KCNIP4: variants seen among roughly 807,000 people sequenced by gnomAD.
KCNIP4 encodes the protein potassium voltage-gated channel interacting protein 4, also known as Kv channel-interacting protein 4.
In KCNIP4, 12 loss-of-function variants were observed where a neutral mutation model predicts 34.0. The ratio of observed to expected loss-of-function variants is 0.35; its 90% CI spans 0.23 to 0.57. The LOEUF (loss-of-function observed/expected upper bound fraction) is 0.57, where lower values mean the gene tolerates loss of function less well. Ranked by LOEUF, KCNIP4 falls within the 20% of genes least tolerant of loss-of-function variation. The pLI, the probability that KCNIP4 is intolerant of heterozygous loss-of-function variation, is 0.83. For synonymous variants in KCNIP4, 124 were observed against 102.2 expected (o/e 1.21, Z -1.29); for missense variants, 238 against 311.7 (o/e 0.76, Z 1.78).
intron 1 of KCNIP4, among the ~76,000 whole-genome samples, chr4:21,554,952 T>C (rs34217898): frequency 0.097 from 14,814 of 152,216 alleles, 827 homozygotes; most frequent in Middle Eastern, 0.19. Context: ...TGGGTTTATA[T>C]ATTCTCCATC....
chr4:20,913,096 T>C (rs1015857270), intron 1 of KCNIP4, among the ~76,000 whole-genome samples: 3 of 152,138 alleles, frequency 2.0e-5, no homozygotes, highest in Admixed American at 6.5e-5. Context: ...CACAGCAGCA[T>C]TATTCACAGT....
chr4:20,903,948 G>T (rs1391155688), intron 1 of KCNIP4, among the ~76,000 whole-genome samples: 3 of 152,106 alleles, frequency 2.0e-5, no homozygotes, highest in Non-Finnish European at 4.4e-5. Flanking sequence ...ATCAATTTTA[G>T]ATCAACTGCT....
At chr4:21,519,748 C>CGTGTGTGTATGTAT (rs1735319722) in intron 1 of KCNIP4, among the ~76,000 whole-genome samples, 1 of 114,690 alleles carries the variant, frequency 8.7e-6, no homozygotes, top group Non-Finnish European at 1.7e-5. Flanking sequence ...ATGATACACA[C>CGTGTGTGTATGTAT]GTGTGTGTAT....
intron 1 of KCNIP4, among the ~76,000 whole-genome samples, chr4:21,687,867 TA>T (rs763475733): frequency 1.3e-4 from 20 of 152,144 alleles, no homozygotes; most frequent in Non-Finnish European, 2.4e-4. Context: ...ACACAGCTCT[TA>T]AGGGTGAATT....
At chr4:21,934,534 G>A (rs1327121467) in intron 1 of KCNIP4, among the ~76,000 whole-genome samples, 1 of 152,038 alleles carries the variant, frequency 6.6e-6, no homozygotes, top group Non-Finnish European at 1.5e-5. Context: ...TCTCTATACT[G>A]TATATAACAT....
chr4:21,281,488 G>A (rs903734995), intron 1 of KCNIP4, among the ~76,000 whole-genome samples: 1 of 152,176 alleles, frequency 6.6e-6, no homozygotes, highest in African/African-American at 2.4e-5. Context: ...GATGTGTCAA[G>A]TTTAGAGCAG....
chr4:20,778,376 A>G (rs1756564038), intron 3 of KCNIP4, among the ~76,000 whole-genome samples: 1 of 152,214 alleles, frequency 6.6e-6, no homozygotes, highest in Non-Finnish European at 1.5e-5. Context: ...TTAGAATTAA[A>G]TATATTTATT....
intron 1 of KCNIP4, chr4:21,730,056 T>C (rs2109109561): frequency 6.6e-6 from 1 of 152,274 alleles, no homozygotes; most frequent in East Asian, 1.9e-4. Context: ...AAACAGTTAT[T>C]TTATGGTTTT....
chr4:21,874,931 G>C (rs1726022183), intron 1 of KCNIP4, among the ~76,000 whole-genome samples: 1 of 152,124 alleles, frequency 6.6e-6, no homozygotes, highest in South Asian at 2.1e-4. Flanking sequence ...GGTAGGAATT[G>C]ATGTGGTTCT....
intron 1 of KCNIP4, among the ~76,000 whole-genome samples, chr4:21,192,945 ACTAC>A (rs1560797529): frequency 2.7e-5 from 4 of 146,066 alleles, no homozygotes; most frequent in African/African-American, 1.0e-4. Flanking sequence ...TACTACTACT[ACTAC>A]TACTAATAAT....
intron 1 of KCNIP4, among the ~76,000 whole-genome samples, chr4:21,429,229 C>T (rs1726210910): frequency 6.6e-6 from 1 of 152,136 alleles, no homozygotes; most frequent in African/African-American, 2.4e-5. Context: ...TGGCAGCATA[C>T]ATTACACAGT....
At position 21,793,003 on chromosome 4, in the gene KCNIP4, TG is replaced by T. The variant is rs371995021; in HGVS notation, c.61+155567del. Among the ~76,000 whole-genome samples, 548 of 152,330 alleles carry T rather than the reference TG, an allele frequency of 3.6e-3. 3 individuals carry two copies. The highest frequency in any genetic ancestry group is 0.011 in the African/African-American group (466 of 41,586). Reference sequence around the variant, plus strand: ...CAACAGATGAGAGAAGGAAAGCTACTGCCTTAGGTGTTTGGGGGCAGAAATT... The same window carrying T: ...CAACAGATGAGAGAAGGAAAGCTACTCCTTAGGTGTTTGGGGGCAGAAATT... On this transcript the variant is annotated intron_variant, in intron 1 of 8. Transcript: ENST00000382152.
chr4:21,460,476 C>G (rs1012564443), intron 1 of KCNIP4, among the ~76,000 whole-genome samples: 1 of 152,016 alleles, frequency 6.6e-6, no homozygotes, highest in African/African-American at 2.4e-5. Context: ...GAATTTATTT[C>G]TCATAGTTCT....
chr4:21,536,725 G>A (rs915155267), intron 1 of KCNIP4, among the ~76,000 whole-genome samples: 1 of 151,702 alleles, frequency 6.6e-6, no homozygotes, highest in South Asian at 2.1e-4. Context: ...GGGTTGCAGT[G>A]AGCCGAGATC....
At chr4:21,198,538 A>G (rs576245131) in intron 1 of KCNIP4, among the ~76,000 whole-genome samples, 5 of 152,272 alleles carry the variant, frequency 3.3e-5, no homozygotes, top group African/African-American at 1.2e-4. Flanking sequence ...CAGGCACTGT[A>G]TTGTGCCCCA....
intron 4 of KCNIP4, among the ~76,000 whole-genome samples, chr4:20,755,966 G>T (rs986413799): frequency 2.0e-5 from 3 of 152,094 alleles, no homozygotes; most frequent in Non-Finnish European, 2.9e-5. Flanking sequence ...AGGCCACTCT[G>T]TAGGTTGTGG....
intron 1 of KCNIP4, among the ~76,000 whole-genome samples, chr4:21,025,554 T>G (rs1372701992): frequency 7.4e-5 from 8 of 108,200 alleles, no homozygotes; most frequent in Middle Eastern, 4.4e-3. Context: ...TTTTTTTTTT[T>G]TTTTTTTTTT....
intron 1 of KCNIP4, among the ~76,000 whole-genome samples, chr4:21,691,190 G>A (rs1333849674): frequency 2.0e-5 from 3 of 152,124 alleles, no homozygotes; most frequent in African/African-American, 4.8e-5. Flanking sequence ...TAGCTTTCCC[G>A]CAGGTTCCTA....
At position 21,536,936 on chromosome 4, in the gene KCNIP4, A is replaced by G. The variant is rs137970032; in HGVS notation, c.61+411635T>C. Among the ~76,000 whole-genome samples the G allele has an allele frequency of 7.4e-4, 112 of 152,258 alleles. 1 individual carries two copies. The highest frequency in any genetic ancestry group is 2.6e-3 in the African/African-American group (107 of 41,538). ...TGTTTCTTTCAAAGCCAAAATCTAT[A>G]TTTTATTCTATTACACTCTGCTGTT... On this transcript the variant is annotated intron_variant, in intron 1 of 8. Coordinates refer to ENST00000382152, the MANE Select transcript of KCNIP4 (RefSeq NM_025221.6).
Sources: allele counts gnomAD v4.1 joint callset (sites outside exome capture counted in the v4.1 genomes callset), GRCh38; gene constraint gnomAD v4.1.1; transcripts MANE v1.5; gene names NCBI Gene and HGNC (gene_info 2026-07-23, HGNC 2026-07-21).